The following MYPOP variants were observed in gnomAD, a reference collection of about 807,000 sequenced individuals.
The protein encoded by MYPOP is Myb related transcription factor, partner of profilin.
MYPOP carries 21 observed loss-of-function variants against 25.7 expected under a neutral mutation model. The ratio of observed to expected loss-of-function variants is 0.82; its 90% CI spans 0.58 to 1.18. The LOEUF is 1.18. MYPOP is among the 50% of genes most tolerant of loss of function. MYPOP has a pLI of 0.00. For synonymous variants in MYPOP, 280 were observed against 247.9 expected, an observed-to-expected ratio of 1.13 and a Z score of -1.22; for missense variants, 566 against 588.3, an observed-to-expected ratio of 0.96 and a Z score of 0.39.
In MYPOP at chr19:45,890,364, A is replaced by G. The variant is rs996250803; in HGVS notation, c.*259T>C. The G allele has an allele frequency of 2.3e-6, 1 of 433,816 alleles. No homozygotes were observed. The highest frequency in any genetic ancestry group is 2.1e-5 in the African/African-American group (1 of 48,716). The allele number at this position is 433,816 out of a possible 1,614,324, so 26.9% of individuals were successfully genotyped here. ...CCCACCCCACATAGGGCAATAATAA[A>G]TAACATGAAATTGATGGCTTAGAAG... On this transcript the variant is annotated 3_prime_UTR_variant, in exon 3 of 3. Transcript: ENST00000322217.
intron 2 of MYPOP, among the ~76,000 whole-genome samples, chr19:45,899,407 G>A (rs1967255827): frequency 6.6e-6 from 1 of 152,102 alleles, no homozygotes; most frequent in South Asian, 2.1e-4. Flanking sequence ...AAAATAAGTT[G>A]GCCATCTCTG....
rs1237498103 is a variant in MYPOP, at chr19:45,890,227, G to A, written c.*396C>T. The A allele has an allele frequency of 1.7e-5, 3 of 175,890 alleles. No homozygotes were observed. The highest frequency in any genetic ancestry group is 4.7e-5 in the African/African-American group (2 of 42,182). The allele number at this position is 175,890 out of a possible 1,614,324, so 10.9% of individuals were successfully genotyped here. ...TTGATTTGTCTTACAACTCCCACCC[G>A]CTCCAAAGTCTGGGTTGGGGAGGTG... is the stretch of plus-strand genomic sequence containing the variant. On this transcript the variant is annotated 3_prime_UTR_variant, in exon 3 of 3. Coordinates refer to ENST00000322217, the MANE Select transcript of MYPOP (RefSeq NM_001012643.4).
Position 45,901,611 on chromosome 19 carries a change from C to A in MYPOP, c.163G>T (p.Val55Leu). Residue 55 changes from valine (V) to leucine (L), a missense_variant, in exon 2 of 3, where the codon GTG becomes TTG. Coordinates refer to ENST00000322217, the MANE Select transcript of MYPOP (RefSeq NM_001012643.4). This position sits in a 1 kb window ranked among gnomAD's most constrained non-coding sequence, Gnocchi z 5.7. ...ATCTTGGCGGCGATGCCGTCCCACA[C>A]GCGCCGCCGCTCTGCCACGCTCACC... ...RRVSVAERRR[V>L]WDGIAAKING... 6.2e-7 allele frequency: 1 copy of A among 1,610,282 alleles called. No individual in the cohort carries two copies. The highest frequency in any genetic ancestry group is 8.5e-7 in the Non-Finnish European group (1 of 1,179,170).
In MYPOP at chr19:45,901,356, G is replaced by T; in HGVS notation, c.418C>A (p.Pro140Thr). 1 of 1,463,672 alleles carries T rather than the reference G, an allele frequency of 6.8e-7. No homozygotes were observed. The highest frequency in any genetic ancestry group is 9.0e-7 in the Non-Finnish European group (1 of 1,108,568). The allele number at this position is 1,463,672 out of a possible 1,614,324, so 90.7% of individuals were successfully genotyped here. A position where few individuals can be genotyped will look rare whatever the true frequency, so the allele number is the denominator to read the frequency against. ...GAGAEEPPAA[P>T]SSQPPPPSAC... is the part of the protein sequence containing the mutation. The stretch of plus-strand genomic sequence containing the variant: ...CTTGGGGGCGGCGGCTGTGAAGAGG[G>T]GGCCGCAGGGGGCTCCTCCGCCCCA... The change falls in exon 2 of 3, where the codon CCC (proline) becomes ACC (threonine). Residue 140 changes from proline to threonine, a missense_variant. Physicochemically the swap from Pro to Thr is conservative, Grantham distance 38. Coordinates refer to ENST00000322217, the MANE Select transcript of MYPOP (RefSeq NM_001012643.4). This position sits in a 1 kb window ranked among gnomAD's most constrained non-coding sequence, Gnocchi z 5.7.
Position 45,901,219 on chromosome 19 carries a change from GAC to G in MYPOP, c.499+54_499+55del. The G allele has an allele frequency of 7.2e-7, 1 of 1,382,518 alleles. No homozygotes were observed. The allele number at this position is 1,382,518 out of a possible 1,614,324, so 85.6% of individuals were successfully genotyped here. ...CAGGGCTGCAGCAAGGCTTTGATGA[GAC>G]ATGTAAAAGGCTTGCAACAGCGCAG... On this transcript the variant is annotated intron_variant, in intron 2 of 2. Coordinates refer to ENST00000322217, the MANE Select transcript of MYPOP (RefSeq NM_001012643.4). This position sits in a 1 kb window ranked among gnomAD's most constrained non-coding sequence, Gnocchi z 5.7.
intron 2 of MYPOP, among the ~76,000 whole-genome samples, chr19:45,893,635 G>A (rs1026442451): frequency 6.6e-5 from 10 of 151,780 alleles, no homozygotes; most frequent in African/African-American, 2.2e-4. Flanking sequence ...GCCGGGGGCT[G>A]GGGGAAGACA....
At chr19:45,893,445 G>A (rs1284750412) in intron 2 of MYPOP, among the ~76,000 whole-genome samples, 1 of 151,116 alleles carries the variant, frequency 6.6e-6, no homozygotes, top group East Asian at 2.0e-4. Context: ...GTGCATGCCT[G>A]TAATCCCAGC....
Position 45,901,415 on chromosome 19 carries a change from A to G in MYPOP, c.359T>C (p.Leu120Pro). ...CCCCGGCGCCGCCACACCTGGCCCC[A>G]GGATGGCAAAAATGGTCTCCTCTTC... ...SAEEETIFAI[L>P]GPGVAAPGAG... Residue 120 changes from leucine (L) to proline (P), a missense_variant, in exon 2 of 3, where the codon CTG (leucine) becomes CCG (proline). Transcript: ENST00000322217. The surrounding 1 kb of genome is among the most constrained non-coding windows in gnomAD (Gnocchi z 5.7). 1 of 1,563,530 alleles carries G rather than the reference A, an allele frequency of 6.4e-7. No individual in the cohort carries two copies. The highest frequency in any genetic ancestry group is 8.7e-7 in the Non-Finnish European group (1 of 1,154,890).
At position 45,890,697 on chromosome 19, in the gene MYPOP, G is replaced by A; in HGVS notation, c.1126C>T (p.His376Tyr). The A allele has an allele frequency of 1.3e-6, 2 of 1,595,920 alleles. No homozygotes were observed. Among genetic ancestry groups the A allele is most frequent in the South Asian group, 2.2e-5 (2 of 89,676 alleles). ...CTCCGCTTGTGTGGGGGGGAGTCGTGCGGAGGGAGCGGGGCTGGGGGGGGC... is the reference window on the plus strand; with the variant it reads ...CTCCGCTTGTGTGGGGGGGAGTCGTACGGAGGGAGCGGGGCTGGGGGGGGC... ...PRPPPAPLPP[H>Y]DSPPHKRRKG... The change falls in exon 3 of 3, where the codon CAC becomes TAC. Residue 376 changes from histidine (H) to tyrosine (Y), a missense_variant. By Grantham distance (83) the His-to-Tyr change is moderately conservative (BLOSUM62 2). Transcript: ENST00000322217.
intron 2 of MYPOP, among the ~76,000 whole-genome samples, chr19:45,892,615 C>T (rs1459943862): frequency 1.3e-5 from 2 of 152,296 alleles, no homozygotes; most frequent in East Asian, 3.9e-4. Flanking sequence ...GCTCCTTCCT[C>T]AGCCACCCCC....
chr19:45,900,595 T>C (rs1307371790), intron 2 of MYPOP, among the ~76,000 whole-genome samples: 1 of 151,666 alleles, frequency 6.6e-6, no homozygotes, highest in East Asian at 1.9e-4. Context: ...CCCAACCTCA[T>C]CGAGCATGGG....
Position 45,901,517 on chromosome 19 carries a change from C to A in MYPOP, c.257G>T (p.Arg86Leu). The A allele has an allele frequency of 6.2e-7, 1 of 1,611,546 alleles. No individual in the cohort carries two copies. The highest frequency in any genetic ancestry group is 8.5e-7 in the Non-Finnish European group (1 of 1,179,370). Residue 86 changes from arginine (R) to leucine (L), a missense_variant, in exon 2 of 3, where the codon CGC becomes CTC. By Grantham distance (102) the Arg-to-Leu change is moderately radical. Transcript: ENST00000322217. This position sits in a 1 kb window ranked among gnomAD's most constrained non-coding sequence, Gnocchi z 5.7. ...VQKRWNDFKR[R>L]TKEKLARVPH... ...CACGCGAGCGAGCTTCTCCTTGGTG[C>A]GGCGCTTGAAGTCGTTCCAGCGCTT... is the stretch of plus-strand genomic sequence containing the variant.
Position 45,890,533 on chromosome 19 carries a change from G to A in MYPOP, c.*90C>T. The A allele has an allele frequency of 1.9e-6, 3 of 1,545,686 alleles. No homozygotes were observed. Among genetic ancestry groups the A allele is most frequent in the South Asian group, 2.4e-5 (2 of 82,704 alleles). On this transcript the variant is annotated 3_prime_UTR_variant, in exon 3 of 3. Coordinates refer to ENST00000322217, the MANE Select transcript of MYPOP (RefSeq NM_001012643.4). Reference sequence around the variant, plus strand: ...TCACATCCCTGGAGCAGGGAGCTAGGGTGCAGCTGGGATGGGCAGAGAGCA... The same window carrying A: ...TCACATCCCTGGAGCAGGGAGCTAGAGTGCAGCTGGGATGGGCAGAGAGCA...
At chr19:45,899,237 ACAAACAAG>A (rs1163532764) in intron 2 of MYPOP, among the ~76,000 whole-genome samples, 1 of 152,152 alleles carries the variant, frequency 6.6e-6, no homozygotes, top group Non-Finnish European at 1.5e-5. Context: ...AAACAAACAA[ACAAACAAG>A]CAAACAAAAA....
Position 45,891,035 on chromosome 19 carries a change from AG to A in MYPOP, c.787del (p.Leu263CysfsTer25). ...LSASDPSLDF[L>X]RAQQETANAI... The stretch of plus-strand genomic sequence containing the variant: ...GTTGGCAGTCTCCTGCTGGGCCCGC[AG>A]GAAGTCCAGGGAGGGGTCTGAGGCC... On this transcript the variant is annotated frameshift_variant, in exon 3 of 3. Coordinates refer to ENST00000322217, the MANE Select transcript of MYPOP (RefSeq NM_001012643.4). LOFTEE classifies it high-confidence loss of function. 6.7e-7 allele frequency: 1 copy of A among 1,484,292 alleles called. No homozygotes were observed. The highest frequency in any genetic ancestry group is 9.0e-7 in the Non-Finnish European group (1 of 1,109,826). 91.9% of individuals were successfully genotyped at this position (1,484,292 alleles called of 1,614,324 possible).
At chr19:45,891,698 A>G (rs2146374902) in intron 2 of MYPOP, among the ~76,000 whole-genome samples, 1 of 152,178 alleles carries the variant, frequency 6.6e-6, no homozygotes, top group East Asian at 1.9e-4. Flanking sequence ...TTGGCCTCCC[A>G]AAGTGCTGGG....
chr19:45,901,777 G>A lies in MYPOP; in HGVS notation c.-4C>T. On this transcript the variant is annotated 5_prime_UTR_variant, in exon 2 of 3. Transcript: ENST00000322217. The surrounding 1 kb of genome is among the most constrained non-coding windows in gnomAD (Gnocchi z 5.7). ...CGCCCGCCGCCGCCGAGGCCATGGCGCCCCCCGACGCCGCCGTCCTGCCGT... is the reference window on the plus strand; with the variant it reads ...CGCCCGCCGCCGCCGAGGCCATGGCACCCCCCGACGCCGCCGTCCTGCCGT... The A allele has an allele frequency of 7.0e-7, 1 of 1,428,968 alleles. No homozygotes were observed. Among genetic ancestry groups the A allele is most frequent in the Non-Finnish European group, 9.1e-7 (1 of 1,094,644 alleles). 88.5% of individuals were successfully genotyped at this position (1,428,968 alleles called of 1,614,324 possible). A position where few individuals can be genotyped will look rare whatever the true frequency, so the allele number is the denominator to read the frequency against.
At position 45,890,049 on chromosome 19, in the gene MYPOP, T is replaced by C. The variant is rs1967094418; in HGVS notation, c.*574A>G. The C allele has an allele frequency of 1.3e-5, 2 of 152,238 alleles. No individual in the cohort carries two copies. Among genetic ancestry groups the C allele is most frequent in the South Asian group, 4.1e-4 (2 of 4,822 alleles). The allele number at this position is 152,238 out of a possible 1,614,324, so 9.4% of individuals were successfully genotyped here. A position where few individuals can be genotyped will look rare whatever the true frequency, so the allele number is the denominator to read the frequency against. On this transcript the variant is annotated 3_prime_UTR_variant, in exon 3 of 3. Coordinates refer to ENST00000322217, the MANE Select transcript of MYPOP (RefSeq NM_001012643.4). ...TGTATTAAAAATAAGTTTATTGATATCTTGTCACCACTGGGAGAAAGGAGG... is the reference window on the plus strand; with the variant it reads ...TGTATTAAAAATAAGTTTATTGATACCTTGTCACCACTGGGAGAAAGGAGG...
chr19:45,890,375 T>C lies in MYPOP; in HGVS notation c.*248A>G, dbSNP rs1456178222. ...TAGGGCAATAATAAATAACATGAAA[T>C]TGATGGCTTAGAAGTCAGGGTTAAG... is the stretch of plus-strand genomic sequence containing the variant. On this transcript the variant is annotated 3_prime_UTR_variant, in exon 3 of 3. Coordinates refer to ENST00000322217, the MANE Select transcript of MYPOP (RefSeq NM_001012643.4). The C allele has an allele frequency of 6.5e-6, 3 of 460,012 alleles. No individual in the cohort carries two copies. The highest frequency in any genetic ancestry group is 7.5e-6 in the Non-Finnish European group (2 of 268,096). The allele number at this position is 460,012 out of a possible 1,614,324, so 28.5% of individuals were successfully genotyped here.
Sources: allele counts gnomAD v4.1 joint callset (sites outside exome capture counted in the v4.1 genomes callset), GRCh38; gene constraint gnomAD v4.1.1; non-coding constraint Gnocchi (gnomAD v3.1); transcripts MANE v1.5; gene names NCBI Gene and HGNC (gene_info 2026-07-23, HGNC 2026-07-21).